Variants in KCTD16 observed in about 807,000 individuals in gnomAD.
KCTD16 encodes BTB/POZ domain-containing protein KCTD16.
In KCTD16, 13 loss-of-function variants were observed where a neutral mutation model predicts 33.2. The observed-to-expected ratio is 0.39, with a 90% CI of 0.25 to 0.62. KCTD16 has a LOEUF of 0.62. Ranked by LOEUF, KCTD16 falls within the 20% of genes least tolerant of loss-of-function variation. The probability of loss-of-function intolerance (pLI) is 0.50; values close to 1 mark genes in which losing one functional copy is unlikely to be tolerated. For synonymous variants in KCTD16, 197 were observed against 195.3 expected (o/e 1.01, Z -0.07); for missense variants, 441 against 525.1 (o/e 0.84, Z 1.57).
intron 2 of KCTD16, among the ~76,000 whole-genome samples, chr5:144,197,865 A>G (rs1363431006): frequency 6.6e-6 from 1 of 152,204 alleles, no homozygotes; most frequent in Admixed American, 6.5e-5. Flanking sequence ...AGTTAATTTT[A>G]TTAATTTGTT....
At chr5:144,248,563 T>C (rs1331865305) in intron 3 of KCTD16, among the ~76,000 whole-genome samples, 2 of 152,246 alleles carry the variant, frequency 1.3e-5, no homozygotes, top group East Asian at 3.8e-4. Flanking sequence ...AGGCTCCCTC[T>C]GGCTGCTCTT....
intron 3 of KCTD16, among the ~76,000 whole-genome samples, chr5:144,368,513 C>T (rs1245933826): frequency 1.3e-5 from 2 of 152,088 alleles, no homozygotes; most frequent in Non-Finnish European, 2.9e-5. Flanking sequence ...GACCAGTAGC[C>T]ACAAGAAGTA....
intron 3 of KCTD16, among the ~76,000 whole-genome samples, chr5:144,314,700 T>C (rs994011961): frequency 3.9e-5 from 6 of 152,212 alleles, no homozygotes; most frequent in Admixed American, 3.9e-4. Context: ...AGGGACTTCA[T>C]TATTTTATTT....
intron 3 of KCTD16, among the ~76,000 whole-genome samples, chr5:144,328,450 G>T (rs1419939544): frequency 1.3e-5 from 2 of 152,018 alleles, no homozygotes; most frequent in East Asian, 1.9e-4. Flanking sequence ...ACTAGCAATT[G>T]TTCTGCCTGT....
rs1376404488 is a variant in KCTD16, at chr5:144,422,789, G to A, written c.833-50871G>A. On this transcript the variant is annotated intron_variant, in intron 3 of 3. Coordinates refer to ENST00000512467, the MANE Select transcript of KCTD16 (RefSeq NM_020768.4). Reference sequence around the variant, plus strand: ...GTTTAAGAAGCATATCTAATGATATGTCAAAATACTCCTTGTCTAGTGCTA... The same window carrying A: ...GTTTAAGAAGCATATCTAATGATATATCAAAATACTCCTTGTCTAGTGCTA... Among the ~76,000 whole-genome samples the A allele has an allele frequency of 3.3e-5, 5 of 152,144 alleles. No homozygotes were observed. The East Asian group carries it at 9.6e-4, about 29-fold the overall frequency.
rs115578244 is a variant in KCTD16 at position 144,338,826 on chromosome 5, T to C, written c.832+131280T>C. Among the ~76,000 whole-genome samples the C allele has an allele frequency of 2.0e-3, 304 of 152,312 alleles. 1 individual carries two copies. The highest frequency in any genetic ancestry group is 3.3e-3 in the Non-Finnish European group (226 of 68,020). On this transcript the variant is annotated intron_variant, in intron 3 of 3. Coordinates refer to ENST00000512467, the MANE Select transcript of KCTD16 (RefSeq NM_020768.4). ...CTATAATGGTGAAAGGCCAAGGGGT[T>C]ACTCTCAGAGATTCATTGCAGTTAT...
intron 3 of KCTD16, among the ~76,000 whole-genome samples, chr5:144,296,928 A>G (rs1756053814): frequency 1.3e-5 from 2 of 152,242 alleles, no homozygotes; most frequent in African/African-American, 4.8e-5. Flanking sequence ...ACATCTGTCT[A>G]TTTAATACCC....
At chr5:144,309,761 G>A (rs1751709927) in intron 3 of KCTD16, among the ~76,000 whole-genome samples, 2 of 151,990 alleles carry the variant, frequency 1.3e-5, no homozygotes, top group South Asian at 4.2e-4. Flanking sequence ...ACAATCCTAT[G>A]AGAGATGGAC....
In KCTD16 at chr5:144,358,196, A is replaced by T. The variant is rs190646978; in HGVS notation, c.833-115464A>T. ...TGATCCTGCAGCCTTGGCCTCCCAA[A>T]GTGCTGGGATTATAGGCATGAGCCA... On this transcript the variant is annotated intron_variant, in intron 3 of 3. Transcript: ENST00000512467. Among the ~76,000 whole-genome samples, 842 of 151,410 alleles carry T rather than the reference A, an allele frequency of 5.6e-3. 8 individuals carry two copies. The highest frequency in any genetic ancestry group is 5.4e-3 in the Non-Finnish European group (364 of 67,912).
intron 3 of KCTD16, among the ~76,000 whole-genome samples, chr5:144,235,627 G>T (rs1754229776): frequency 6.6e-6 from 1 of 152,092 alleles, no homozygotes; most frequent in African/African-American, 2.4e-5. Context: ...CTGGCTCATA[G>T]TAAGCCCTCA....
At chr5:144,180,477 A>C in intron 2 of KCTD16, among the ~76,000 whole-genome samples, 1 of 152,220 alleles carries the variant, frequency 6.6e-6, no homozygotes. Context: ...AAACTCCAAG[A>C]AGACAAAAGA....
At chr5:144,319,573 T>G (rs1386062470) in intron 3 of KCTD16, among the ~76,000 whole-genome samples, 1 of 152,234 alleles carries the variant, frequency 6.6e-6, no homozygotes, top group Non-Finnish European at 1.5e-5. Flanking sequence ...TTTGAAGTCT[T>G]AAGTATTTGC....
chr5:144,473,634 C>A, intron 3 of KCTD16, 26 bp from the exon 4 acceptor site: 2 of 1,567,426 alleles, frequency 1.3e-6, no homozygotes, highest in South Asian at 1.2e-5. Flanking sequence ...GGCATTAATC[C>A]TTTGGGTCCT....
intron 3 of KCTD16, among the ~76,000 whole-genome samples, chr5:144,467,508 G>A (rs2126998084): frequency 6.6e-6 from 1 of 152,260 alleles, no homozygotes; most frequent in Middle Eastern, 3.4e-3. Context: ...AGTCTAGTGT[G>A]GAAAGCAGAC....
Position 144,179,275 on chromosome 5 carries a change from C to T in KCTD16, c.-327+4803C>T, listed in dbSNP as rs575248394. Among the ~76,000 whole-genome samples, 103 of 152,270 alleles carry T rather than the reference C, an allele frequency of 6.8e-4. 3 individuals are homozygous for T. Among genetic ancestry groups the T allele is most frequent in the African/African-American group, 2.5e-3 (102 of 41,550 alleles). On this transcript the variant is annotated intron_variant, in intron 2 of 3. Coordinates refer to ENST00000512467, the MANE Select transcript of KCTD16 (RefSeq NM_020768.4). ...ACCAGGCAGGTTCCCCTATCAGCCA[C>T]CCCACTCAGGCCTCAACCCAAGTGG...
intron 2 of KCTD16, among the ~76,000 whole-genome samples, chr5:144,193,748 T>C (rs1156964069): frequency 6.6e-6 from 1 of 151,974 alleles, no homozygotes; most frequent in Non-Finnish European, 1.5e-5. Context: ...TATTTCTTAG[T>C]CAAATTTGGG....
intron 3 of KCTD16, among the ~76,000 whole-genome samples, chr5:144,230,173 A>G (rs1561536916): frequency 6.6e-6 from 1 of 152,186 alleles, no homozygotes; most frequent in East Asian, 1.9e-4. Context: ...TCAGCAGTGC[A>G]TTGCACTGTT....
intron 3 of KCTD16, among the ~76,000 whole-genome samples, chr5:144,226,502 T>C (rs1376310506): frequency 2.0e-5 from 3 of 152,178 alleles, no homozygotes; most frequent in Non-Finnish European, 4.4e-5. Context: ...AAAATTGATC[T>C]TATTGTTTCT....
At chr5:144,245,162 A>G (rs1426466056) in intron 3 of KCTD16, among the ~76,000 whole-genome samples, 1 of 152,136 alleles carries the variant, frequency 6.6e-6, no homozygotes, top group African/African-American at 2.4e-5. Context: ...GGTGATGAGG[A>G]TTAGGGAGAA....
Sources: allele counts gnomAD v4.1 joint callset (sites outside exome capture counted in the v4.1 genomes callset), GRCh38; gene constraint gnomAD v4.1.1; transcripts MANE v1.5; gene names NCBI Gene and HGNC (gene_info 2026-07-23, HGNC 2026-07-21).